OLFM3: variants seen among roughly 807,000 people sequenced by gnomAD.
OLFM3 encodes olfactomedin 3.
OLFM3 carries 20 observed loss-of-function variants against 48.6 expected under a neutral mutation model. The observed-to-expected ratio is 0.41, with a 90% CI of 0.29 to 0.60. The LOEUF (loss-of-function observed/expected upper bound fraction) is 0.60. Ranked by LOEUF, OLFM3 falls within the 20% of genes least tolerant of loss-of-function variation. OLFM3 has a pLI of 0.28. For missense variants in OLFM3, 437 were observed against 544.3 expected, an observed-to-expected ratio of 0.80 and a Z score of 1.96; for synonymous variants, 222 against 198.1, an observed-to-expected ratio of 1.12 and a Z score of -1.01.
At chr1:101,934,382 C>A (rs1262177760) in intron 1 of OLFM3, among the ~76,000 whole-genome samples, 2 of 152,138 alleles carry the variant, frequency 1.3e-5, no homozygotes, top group African/African-American at 2.4e-5. Flanking sequence ...AAGGGCATTG[C>A]ATAATTGTAA....
rs904202608 is a variant in OLFM3 at position 101,803,150 on chromosome 1, A to G, written c.*1088T>C. The G allele has an allele frequency of 6.6e-6, 1 of 152,092 alleles. No homozygotes were observed. Among genetic ancestry groups the G allele is most frequent in the African/African-American group, 2.4e-5 (1 of 41,362 alleles). 9.4% of individuals were successfully genotyped at this position (152,092 alleles called of 1,614,324 possible). On this transcript the variant is annotated 3_prime_UTR_variant, in exon 6 of 6. Coordinates refer to ENST00000370103, the MANE Select transcript of OLFM3 (RefSeq NM_058170.4). ...AGGGCTCATAATCTAAATCTAGAGGACATTACAGAATTTTTTTTTTCTAAG... is the reference window on the plus strand; with the variant it reads ...AGGGCTCATAATCTAAATCTAGAGGGCATTACAGAATTTTTTTTTTCTAAG...
At chr1:101,890,475 T>C (rs748375960) in intron 1 of OLFM3, among the ~76,000 whole-genome samples, 1 of 152,036 alleles carries the variant, frequency 6.6e-6, no homozygotes, top group African/African-American at 2.4e-5. Flanking sequence ...TAGACTTTTC[T>C]ATAATTTCTG....
chr1:101,974,755 G>C (rs1158674175), intron 1 of OLFM3, among the ~76,000 whole-genome samples: 1 of 151,992 alleles, frequency 6.6e-6, no homozygotes, highest in Non-Finnish European at 1.5e-5. Flanking sequence ...AGATAGTTTT[G>C]ACATTTGCTT....
At chr1:101,870,930 A>G (rs1657054782) in intron 1 of OLFM3, among the ~76,000 whole-genome samples, 2 of 151,918 alleles carry the variant, frequency 1.3e-5, no homozygotes, top group Non-Finnish European at 2.9e-5. Context: ...TTGATTCTTG[A>G]CTTTATAACT....
chr1:101,860,131 T>G (rs559383134), intron 1 of OLFM3, among the ~76,000 whole-genome samples: 1 of 151,896 alleles, frequency 6.6e-6, no homozygotes, highest in Admixed American at 6.6e-5. Context: ...AAGAGAAGTG[T>G]GAGTGAGGAT....
chr1:101,805,445 C>G (rs1653724058), intron 5 of OLFM3, among the ~76,000 whole-genome samples: 1 of 151,782 alleles, frequency 6.6e-6, no homozygotes, highest in Non-Finnish European at 1.5e-5. Flanking sequence ...AACTTAATAA[C>G]TAACCTCATT....
intron 1 of OLFM3, among the ~76,000 whole-genome samples, chr1:101,958,817 A>C (rs1198572245): frequency 7.7e-6 from 1 of 129,212 alleles, no homozygotes. Flanking sequence ...GTATGTTCTT[A>C]TGGTATACAA....
chr1:101,869,970 GGCA>G (rs1356275022), intron 1 of OLFM3, among the ~76,000 whole-genome samples: 1 of 152,084 alleles, frequency 6.6e-6, no homozygotes, highest in Non-Finnish European at 1.5e-5. Context: ...AGTTCTTTAT[GGCA>G]GCATGAGAAC....
intron 3 of OLFM3, among the ~76,000 whole-genome samples, chr1:101,830,161 CTCTT>C (rs1054177519): frequency 3.9e-5 from 6 of 152,114 alleles, no homozygotes; most frequent in African/African-American, 1.4e-4. Flanking sequence ...AAATTCATAA[CTCTT>C]TCATATATAG....
At chr1:101,894,555 C>A (rs1557720544) in intron 1 of OLFM3, among the ~76,000 whole-genome samples, 1 of 152,018 alleles carries the variant, frequency 6.6e-6, no homozygotes, top group South Asian at 2.1e-4. Flanking sequence ...TATTTATTTT[C>A]TTTTACATAA....
At chr1:101,842,700 A>G (rs965524334) in intron 1 of OLFM3, among the ~76,000 whole-genome samples, 2 of 152,168 alleles carry the variant, frequency 1.3e-5, no homozygotes, top group Non-Finnish European at 2.9e-5. Context: ...TGTTTCCATT[A>G]GACCTCTGCA....
intron 1 of OLFM3, among the ~76,000 whole-genome samples, chr1:101,850,811 A>C (rs1229518383): frequency 6.6e-6 from 1 of 152,176 alleles, no homozygotes; most frequent in Admixed American, 6.6e-5. Context: ...TTATTATTTA[A>C]AACAAAATTT....
intron 1 of OLFM3, among the ~76,000 whole-genome samples, chr1:101,880,163 A>G (rs1657463238): frequency 6.6e-6 from 1 of 151,894 alleles, no homozygotes; most frequent in African/African-American, 2.4e-5. Flanking sequence ...AATTAGTTTT[A>G]TTTTAAATAC....
At chr1:101,872,196 A>G (rs1657109184) in intron 1 of OLFM3, among the ~76,000 whole-genome samples, 1 of 152,096 alleles carries the variant, frequency 6.6e-6, no homozygotes, top group African/African-American at 2.4e-5. Context: ...CTCATAGGCT[A>G]TATGTGCATC....
intron 1 of OLFM3, among the ~76,000 whole-genome samples, chr1:101,861,070 A>ATTTCCTTTTTTTTT (rs1553174351): frequency 4.0e-4 from 61 of 151,444 alleles, no homozygotes; most frequent in African/African-American, 1.3e-3. Context: ...ATTTGATTAT[A>ATTTCCTTTTTTTTT]TTTTTTTTTG....
chr1:101,907,200 G>T (rs1445671536), intron 1 of OLFM3, among the ~76,000 whole-genome samples: 1 of 152,088 alleles, frequency 6.6e-6, no homozygotes, highest in East Asian at 1.9e-4. Context: ...GAGATATTTG[G>T]ATAATCATTT....
intron 4 of OLFM3, among the ~76,000 whole-genome samples, chr1:101,810,482 A>G (rs1653997056): frequency 6.6e-6 from 1 of 152,054 alleles, no homozygotes; most frequent in Admixed American, 6.6e-5. Context: ...AGCTACACGC[A>G]TACAATATTT....
At chr1:101,956,409 C>T (rs1274168826) in intron 1 of OLFM3, among the ~76,000 whole-genome samples, 1 of 151,920 alleles carries the variant, frequency 6.6e-6, no homozygotes, top group East Asian at 1.9e-4. Context: ...GACCCACAAA[C>T]ATCACCTATT....
At chr1:101,958,840 T>TAC (rs1289607223) in intron 1 of OLFM3, among the ~76,000 whole-genome samples, 5 of 32,542 alleles carry the variant, frequency 1.5e-4, no homozygotes, top group Non-Finnish European at 2.4e-4. Flanking sequence ...TGATATTATA[T>TAC]ATATATATAT....
Sources: gnomAD v4.1 joint callset for allele counts (sites outside exome capture counted in the v4.1 genomes callset) on GRCh38, gnomAD v4.1.1 for gene constraint, MANE v1.5 for transcripts, NCBI Gene and HGNC (gene_info 2026-07-23, HGNC 2026-07-21) for gene names.